Variants in CADPS observed in about 807,000 individuals in gnomAD.
CADPS encodes calcium dependent secretion activator.
CADPS carries 57 observed loss-of-function variants against 167.3 expected under a neutral mutation model. The ratio of observed to expected loss-of-function variants is 0.34; its 90% CI spans 0.28 to 0.42. CADPS has a LOEUF of 0.42. Ranked by LOEUF, CADPS falls within the 20% of genes least tolerant of loss-of-function variation. The pLI, the probability that CADPS is intolerant of heterozygous loss-of-function variation, is 1.00. For missense variants in CADPS, 1,414 were observed against 1,738.1 expected (o/e 0.81, Z 3.32); for synonymous variants, 676 against 635.3 (o/e 1.06, Z -0.96).
intron 11 of CADPS, among the ~76,000 whole-genome samples, chr3:62,543,052 G>A (rs984322722): frequency 4.6e-5 from 7 of 152,148 alleles, no homozygotes; most frequent in Non-Finnish European, 7.4e-5. Context: ...TATGTCTTAC[G>A]TAGTTAACAG....
intron 6 of CADPS, among the ~76,000 whole-genome samples, chr3:62,606,499 A>G (rs528268177): frequency 3.7e-4 from 56 of 152,272 alleles, no homozygotes; most frequent in South Asian, 2.1e-4. Flanking sequence ...CCCACCAGCA[A>G]AAGTCCCTCA....
intron 22 of CADPS, among the ~76,000 whole-genome samples, chr3:62,479,391 T>G (rs1469134375): frequency 6.6e-6 from 1 of 152,226 alleles, no homozygotes; most frequent in Non-Finnish European, 1.5e-5. Flanking sequence ...ATACCACTAA[T>G]GCTAACACAG....
At chr3:62,747,049 A>G (rs2081613493) in intron 3 of CADPS, among the ~76,000 whole-genome samples, 1 of 152,242 alleles carries the variant, frequency 6.6e-6, no homozygotes, top group Non-Finnish European at 1.5e-5. Flanking sequence ...CAGGAGCCAC[A>G]TCATGGGCCA....
intron 1 of CADPS, among the ~76,000 whole-genome samples, chr3:62,772,075 G>A (rs979241546): frequency 1.3e-5 from 2 of 151,864 alleles, no homozygotes; most frequent in African/African-American, 2.4e-5. Context: ...GATAATATAC[G>A]TATAATATAT....
intron 3 of CADPS, among the ~76,000 whole-genome samples, chr3:62,681,794 A>G (rs1297956487): frequency 6.6e-6 from 1 of 152,060 alleles, no homozygotes; most frequent in Non-Finnish European, 1.5e-5. Context: ...ACTATAACAC[A>G]TCTACATCAT....
At chr3:62,865,162 C>A (rs1450534304) in intron 1 of CADPS, among the ~76,000 whole-genome samples, 1 of 152,110 alleles carries the variant, frequency 6.6e-6, no homozygotes, top group African/African-American at 2.4e-5. Context: ...GCTTAAACAA[C>A]TCTATGCCTA....
chr3:62,759,330 A>G (rs2084780298), intron 2 of CADPS, among the ~76,000 whole-genome samples: 1 of 152,220 alleles, frequency 6.6e-6, no homozygotes, highest in Non-Finnish European at 1.5e-5. Context: ...CTATTCGGCT[A>G]AGAATGTAAT....
At chr3:62,711,838 A>C (rs1256289964) in intron 3 of CADPS, among the ~76,000 whole-genome samples, 1 of 152,328 alleles carries the variant, frequency 6.6e-6, no homozygotes, top group Non-Finnish European at 1.5e-5. Context: ...TGAACAATTT[A>C]GTATCCTTCT....
chr3:62,529,758 C>A (rs1205879063), intron 13 of CADPS, among the ~76,000 whole-genome samples: 2 of 152,144 alleles, frequency 1.3e-5, no homozygotes, highest in Non-Finnish European at 1.5e-5. Flanking sequence ...GAACGGTATA[C>A]ATTTCAGGAC....
chr3:62,592,601 C>T, intron 7 of CADPS, 36 bp downstream of exon 7: 2 of 1,520,220 alleles, frequency 1.3e-6, no homozygotes, highest in South Asian at 1.1e-5. Flanking sequence ...GGGAAATCCT[C>T]TCTGTGGAGT....
intron 3 of CADPS, among the ~76,000 whole-genome samples, chr3:62,668,346 C>A (rs138196637): frequency 1.7e-3 from 258 of 152,222 alleles, no homozygotes; most frequent in Non-Finnish European, 3.1e-3. Context: ...AATGGTGTGG[C>A]CCCCTGCTGA....
At chr3:62,710,182 T>G (rs747739256) in intron 3 of CADPS, among the ~76,000 whole-genome samples, 2 of 152,074 alleles carry the variant, frequency 1.3e-5, no homozygotes, top group African/African-American at 2.4e-5. Context: ...TACTTAGCAC[T>G]GAAATCTCCG....
intron 3 of CADPS, among the ~76,000 whole-genome samples, chr3:62,672,493 A>G (rs1005625374): frequency 1.3e-5 from 2 of 152,172 alleles, no homozygotes; most frequent in African/African-American, 4.8e-5. Context: ...GCTCCTGCAC[A>G]GCTTTCCAGC....
At chr3:62,423,760 T>C (rs756774587) in intron 28 of CADPS, among the ~76,000 whole-genome samples, 7 of 152,172 alleles carry the variant, frequency 4.6e-5, no homozygotes, top group Non-Finnish European at 1.0e-4. Flanking sequence ...GCCCAGTGAA[T>C]ATTGGCTCTC....
chr3:62,606,412 A>G (rs1309373705), intron 6 of CADPS, among the ~76,000 whole-genome samples: 1 of 152,104 alleles, frequency 6.6e-6, no homozygotes, highest in Non-Finnish European at 1.5e-5. Flanking sequence ...TAAAAAGAGG[A>G]AAAGAGACCT....
intron 8 of CADPS, among the ~76,000 whole-genome samples, chr3:62,580,396 TG>T (rs2083183610): frequency 6.6e-6 from 1 of 151,500 alleles, no homozygotes; most frequent in South Asian, 2.1e-4. Context: ...TAAGAACACA[TG>T]GACACAGGAA....
chr3:62,765,208 A>T (rs2086537093), intron 2 of CADPS, among the ~76,000 whole-genome samples: 1 of 152,234 alleles, frequency 6.6e-6, no homozygotes. Flanking sequence ...ACACTGAGAT[A>T]GAACACTTAA....
intron 1 of CADPS, among the ~76,000 whole-genome samples, chr3:62,815,852 T>G (rs1192661449): frequency 2.0e-5 from 3 of 152,176 alleles, no homozygotes; most frequent in Admixed American, 6.6e-5. Flanking sequence ...CAAGCAAATT[T>G]ACTTAAAAGA....
intron 3 of CADPS, among the ~76,000 whole-genome samples, chr3:62,709,600 A>G (rs551449561): frequency 7.2e-5 from 11 of 152,012 alleles, no homozygotes; most frequent in African/African-American, 2.7e-4. Flanking sequence ...TGCCCGACCT[A>G]GCTTATTTAC....
Sources: gnomAD v4.1 joint callset for allele counts (sites outside exome capture counted in the v4.1 genomes callset) on GRCh38, gnomAD v4.1.1 for gene constraint, MANE v1.5 for transcripts, NCBI Gene and HGNC (gene_info 2026-07-23, HGNC 2026-07-21) for gene names.